The following TFAP2D variants were observed in gnomAD, a reference collection of about 807,000 sequenced individuals.
TFAP2D encodes the protein transcription factor AP-2 delta.
A neutral mutation model predicts 43.6 loss-of-function variants in TFAP2D; 9 were observed. The ratio of observed to expected loss-of-function variants is 0.21; its 90% CI spans 0.12 to 0.36. The LOEUF (loss-of-function observed/expected upper bound fraction) is 0.36. Among genes scored for constraint, TFAP2D ranks in the 10% least tolerant of loss-of-function variants. TFAP2D has a pLI of 1.00. For synonymous variants in TFAP2D, 256 were observed against 224.9 expected, an observed-to-expected ratio of 1.14 and a Z score of -1.24; for missense variants, 513 against 561.4, an observed-to-expected ratio of 0.91 and a Z score of 0.87.
intron 3 of TFAP2D, 95 bp from the exon 4 acceptor site, chr6:50,728,761 C>T (rs1231678282): frequency 7.7e-7 from 1 of 1,297,904 alleles, no homozygotes; most frequent in Non-Finnish European, 1.1e-6. Context: ...AGCATGTATT[C>T]CCAAATCCAG....
chr6:50,754,330 T>A (rs1247645581), intron 7 of TFAP2D, among the ~76,000 whole-genome samples: 1 of 151,388 alleles, frequency 6.6e-6, no homozygotes, highest in African/African-American at 2.4e-5. Context: ...TGCACAATAT[T>A]TCTGTGTGTG....
At chr6:50,722,113 G>A (rs914390243) in intron 3 of TFAP2D, among the ~76,000 whole-genome samples, 14 of 152,322 alleles carry the variant, frequency 9.2e-5, no homozygotes, top group Admixed American at 3.3e-4. Context: ...CAAAGAATGC[G>A]TGAAAGAGGG....
At chr6:50,737,842 G>T (rs1768984818) in intron 5 of TFAP2D, among the ~76,000 whole-genome samples, 1 of 151,936 alleles carries the variant, frequency 6.6e-6, no homozygotes, top group African/African-American at 2.4e-5. Context: ...TCAGTCTTTG[G>T]CTATTACAAA....
At chr6:50,751,379 T>A in intron 7 of TFAP2D, 55 bp downstream of exon 7, 2 of 1,204,570 alleles carry the variant, frequency 1.7e-6, no homozygotes, top group Non-Finnish European at 2.5e-6. Context: ...ATGCTTGTAT[T>A]CCTATCACAG....
chr6:50,715,575 A>G lies in TFAP2D; in HGVS notation c.499A>G (p.Ser167Gly). ...HPDQRLLPGPSLGLAAAGADD... is the reference protein window; with the variant it reads ...HPDQRLLPGPGLGLAAAGADD... ...AGATCAAAGACTCCTGCCAGGGCCC[A>G]GCCTGGGGCTGGCCGCCGCGGGAGC... The change falls in exon 2 of 8, where the codon AGC becomes GGC. Residue 167 changes from serine to glycine, a missense_variant. Physicochemically the swap from Ser to Gly is moderately conservative, Grantham distance 56. Around this residue, in one of 3 missense-constraint regions of TFAP2D, gnomAD observed 311 missense variants for 316.2 expected, o/e 0.98. Coordinates refer to ENST00000008391, the MANE Select transcript of TFAP2D (RefSeq NM_172238.4). The G allele has an allele frequency of 6.2e-7, 1 of 1,601,380 alleles. No homozygotes were observed.
chr6:50,759,372 T>C (rs1252827780), intron 7 of TFAP2D, among the ~76,000 whole-genome samples: 1 of 152,056 alleles, frequency 6.6e-6, no homozygotes, highest in Non-Finnish European at 1.5e-5. Context: ...CATGAGTCAA[T>C]GCAGTTAAGC....
intron 7 of TFAP2D, among the ~76,000 whole-genome samples, chr6:50,754,098 T>C (rs1226343347): frequency 6.6e-6 from 1 of 151,900 alleles, no homozygotes; most frequent in Non-Finnish European, 1.5e-5. Flanking sequence ...TTTGTAAAAC[T>C]GCCTCTGTAC....
intron 7 of TFAP2D, among the ~76,000 whole-genome samples, chr6:50,757,816 AGAATATAT>A: frequency 8.2e-6 from 1 of 122,458 alleles, no homozygotes; most frequent in Non-Finnish European, 1.7e-5. Context: ...TTATATATAT[AGAATATAT>A]ATAATTATAT....
At chr6:50,727,724 A>G (rs780137970) in intron 3 of TFAP2D, among the ~76,000 whole-genome samples, 9 of 152,164 alleles carry the variant, frequency 5.9e-5, no homozygotes, top group Non-Finnish European at 1.2e-4. Flanking sequence ...CTAGCTGAAG[A>G]AACAAAATAC....
Position 50,730,748 on chromosome 6 carries a change from C to G in TFAP2D, c.883+1436C>G, listed in dbSNP as rs551194492. Among the ~76,000 whole-genome samples, 3 of 152,134 alleles carry G rather than the reference C, an allele frequency of 2.0e-5. No individual in the cohort carries two copies. The East Asian group carries it at 5.8e-4, about 29-fold the overall frequency. Reference sequence around the variant, plus strand: ...CTTACAAAGTGCCTAGGTCTCATTCCCAAATCAACTGAAACTCATTCTGGG... The same window carrying G: ...CTTACAAAGTGCCTAGGTCTCATTCGCAAATCAACTGAAACTCATTCTGGG... On this transcript the variant is annotated intron_variant, in intron 5 of 7. Coordinates refer to ENST00000008391, the MANE Select transcript of TFAP2D (RefSeq NM_172238.4).
intron 7 of TFAP2D, among the ~76,000 whole-genome samples, chr6:50,762,699 T>C (rs919757050): frequency 3.3e-5 from 5 of 152,230 alleles, no homozygotes; most frequent in Middle Eastern, 3.4e-3. Flanking sequence ...TAAGTTACAT[T>C]TTCCCTAACA....
intron 7 of TFAP2D, among the ~76,000 whole-genome samples, chr6:50,765,463 G>A (rs9349557): frequency 0.39 from 58,850 of 151,926 alleles, 11,617 homozygotes; most frequent in Non-Finnish European, 0.44. Context: ...TAATGGCTGC[G>A]CCAGTTTGCT....
intron 7 of TFAP2D, among the ~76,000 whole-genome samples, chr6:50,758,013 G>A (rs1295584284): frequency 1.3e-5 from 2 of 150,444 alleles, no homozygotes; most frequent in Non-Finnish European, 3.0e-5. Context: ...ATCTCAATTG[G>A]GTCCTGTGTA....
chr6:50,744,009 T>C (rs1470681109), intron 5 of TFAP2D, among the ~76,000 whole-genome samples: 2 of 152,154 alleles, frequency 1.3e-5, no homozygotes, highest in Admixed American at 1.3e-4. Context: ...GGTAGGTGAG[T>C]AGATGCTTAG....
chr6:50,772,613 A>C, intron 7 of TFAP2D, 32 bp from the exon 8 acceptor site: 1 of 1,587,610 alleles, frequency 6.3e-7, no homozygotes, highest in South Asian at 1.1e-5. Context: ...CAAATCATTC[A>C]CCTCTTTTTT....
rs953402816 is a variant in TFAP2D, at chr6:50,755,211, G to T, written c.1139+3887G>T. Among the ~76,000 whole-genome samples the T allele has an allele frequency of 1.1e-4, 16 of 151,914 alleles. 1 individual carries two copies. The highest frequency in any genetic ancestry group is 3.6e-4 in the African/African-American group (15 of 41,488). On this transcript the variant is annotated intron_variant, in intron 7 of 7. Transcript: ENST00000008391. ...CATTTTAAACAAAAGATACATGATT[G>T]GCATTTCCAATTGAAACCCAAAGTG...
intron 7 of TFAP2D, among the ~76,000 whole-genome samples, 186 bp from the exon 8 acceptor site, chr6:50,772,459 T>C (rs1345014494): frequency 1.3e-5 from 2 of 152,204 alleles, no homozygotes; most frequent in Admixed American, 6.5e-5. Flanking sequence ...AAACTGGTCC[T>C]ACATTTCTTA....
rs751952833 is a variant in TFAP2D, at chr6:50,772,807, C to T, written c.1302C>T (p.Pro434=). The part of the protein sequence containing the change: ...GQGHANSEKA[P]LRKTSEAAVK... Reference sequence around the variant, plus strand: ...GACATGCCAACTCGGAGAAAGCTCCCCTGCGGAAAACTTCAGAGGCTGCCG... The same window carrying T: ...GACATGCCAACTCGGAGAAAGCTCCTCTGCGGAAAACTTCAGAGGCTGCCG... The change falls in exon 8 of 8, where the codon CCC becomes CCT. Residue 434 remains proline, a synonymous_variant. Coordinates refer to ENST00000008391, the MANE Select transcript of TFAP2D (RefSeq NM_172238.4). 1 of 1,614,004 alleles carries T rather than the reference C, an allele frequency of 6.2e-7. No homozygotes were observed. Among genetic ancestry groups the T allele is most frequent in the Non-Finnish European group, 8.5e-7 (1 of 1,179,970 alleles).
At chr6:50,723,906 A>G (rs1179393769) in intron 3 of TFAP2D, among the ~76,000 whole-genome samples, 1 of 152,158 alleles carries the variant, frequency 6.6e-6, no homozygotes, top group Non-Finnish European at 1.5e-5. Context: ...CTCTTCACGC[A>G]CACCTCTCTT....
Sources: gnomAD v4.1 joint callset for allele counts (sites outside exome capture counted in the v4.1 genomes callset) on GRCh38, gnomAD v4.1.1 for gene constraint, gnomAD v4.1.1 regional missense constraint, MANE v1.5 for transcripts, NCBI Gene and HGNC (gene_info 2026-07-23, HGNC 2026-07-21) for gene names.